Variants in NIPA2 observed in about 807,000 individuals in gnomAD.
NIPA2 encodes NIPA magnesium transporter 2.
A neutral mutation model predicts 29.7 loss-of-function variants in NIPA2; 11 were observed. That is an observed-to-expected ratio of 0.37 (90% CI 0.23 to 0.61). The LOEUF (loss-of-function observed/expected upper bound fraction) is 0.61, where lower values mean the gene tolerates loss of function less well. Among genes scored for constraint, NIPA2 ranks in the 20% least tolerant of loss-of-function variants. NIPA2 has a pLI of 0.66. For synonymous variants in NIPA2, 183 were observed against 161.9 expected, an observed-to-expected ratio of 1.13 and a Z score of -0.99; for missense variants, 426 against 437.9, an observed-to-expected ratio of 0.97 and a Z score of 0.24.
intron 7 of NIPA2, among the ~76,000 whole-genome samples, chr15:22,861,451 G>GT (rs1202916111): frequency 6.6e-6 from 1 of 152,122 alleles, no homozygotes; most frequent in Non-Finnish European, 1.5e-5. Context: ...TCCTGGGTTT[G>GT]TGCCTTCATT....
rs1304151993 is a variant in NIPA2, at chr15:22,867,718, TGAA to T, written c.*873_*875del. Reference sequence around the variant, plus strand: ...CTCATGTTATAATAAAAAGTTGAAATGAAGTTCTTATTCTAAAAGTCTGAATGC... The same window carrying T: ...CTCATGTTATAATAAAAAGTTGAAATGTTCTTATTCTAAAAGTCTGAATGC... On this transcript the variant is annotated 3_prime_UTR_variant, in exon 8 of 8. Transcript: ENST00000337451. The T allele has an allele frequency of 6.6e-6, 1 of 152,158 alleles. No individual in the cohort carries two copies. The highest frequency in any genetic ancestry group is 2.4e-5 in the African/African-American group (1 of 41,418). The allele number at this position is 152,158 out of a possible 1,614,324, so 9.4% of individuals were successfully genotyped here. A position where few individuals can be genotyped will look rare whatever the true frequency, so the allele number is the denominator to read the frequency against.
chr15:22,866,310 A>G lies in NIPA2; in HGVS notation c.546A>G (p.Ile182Met). ...GACAGACAAACATTCTTGTGTACAT[A>G]ACAATCTGCTCTGTAATCGGCGCGT... ...RHGQTNILVY[I>M]TICSVIGAFS... The change falls in exon 8 of 8, where the codon ATA (isoleucine) becomes ATG (methionine). Residue 182 changes from isoleucine to methionine, a missense_variant. Physicochemically the swap from Ile to Met is conservative, Grantham distance 10. Around this residue, in one of 3 missense-constraint regions of NIPA2, gnomAD observed 357 missense variants for 339.8 expected, o/e 1.05. Transcript: ENST00000337451. The G allele has an allele frequency of 6.2e-7, 1 of 1,613,978 alleles. No homozygotes were observed. Among genetic ancestry groups the G allele is most frequent in the Non-Finnish European group, 8.5e-7 (1 of 1,179,900 alleles).
rs373126251 is a variant in NIPA2 at position 22,850,411 on chromosome 15, CAG to C, written c.-93-1227_-93-1226del. ...CAAGCTTGATGGCCAAGCGGCAAAT[CAG>C]GGGTGAGGGAGAATAGTCTTCTCAT... On this transcript the variant is annotated intron_variant, in intron 3 of 7. Transcript: ENST00000337451. Among the ~76,000 whole-genome samples, 474 of 152,236 alleles carry C rather than the reference CAG, an allele frequency of 3.1e-3. 2 individuals carry two copies. Among genetic ancestry groups the C allele is most frequent in the African/African-American group, 0.011 (461 of 41,516 alleles).
rs555454880 is a variant in NIPA2, at chr15:22,864,369, T to C, written c.449-1844T>C. 3.1e-3 allele frequency among the ~76,000 whole-genome samples: 472 copies of C among 152,278 alleles called. 3 individuals carry two copies. The highest frequency in any genetic ancestry group is 0.011 in the African/African-American group (460 of 41,552). On this transcript the variant is annotated intron_variant, in intron 7 of 7. Transcript: ENST00000337451. ...CGGGGTTTCACCATGTTAGCCAGGA[T>C]GGTCTCGATCTTCTGACCTCATGAT...
chr15:22,856,671 A>G (rs756551771), intron 5 of NIPA2, among the ~76,000 whole-genome samples: 47 of 152,348 alleles, frequency 3.1e-4, no homozygotes, highest in African/African-American at 1.1e-3. Context: ...AATCAATTAG[A>G]GAAAACAGGA....
rs1014194075 is a variant in NIPA2 at position 22,839,673 on chromosome 15, G to C, written c.-333G>C. On this transcript the variant is annotated 5_prime_UTR_variant, in exon 2 of 8. Transcript: ENST00000337451. The stretch of plus-strand genomic sequence containing the variant: ...TTTCTAGGCTGGAGCTACTCGGCCA[G>C]GGTTTAAGACTTTAAATGAGAATAA... The C allele has an allele frequency of 1.3e-5, 2 of 152,134 alleles. No individual in the cohort carries two copies. The highest frequency in any genetic ancestry group is 4.8e-5 in the African/African-American group (2 of 41,426). The allele number at this position is 152,134 out of a possible 1,614,324, so 9.4% of individuals were successfully genotyped here. A position where few individuals can be genotyped will look rare whatever the true frequency, so the allele number is the denominator to read the frequency against.
chr15:22,848,934 C>T (rs570189122), intron 3 of NIPA2, among the ~76,000 whole-genome samples: 1 of 150,992 alleles, frequency 6.6e-6, no homozygotes, highest in East Asian at 2.0e-4. Context: ...TGTGCATAGG[C>T]TAAAAGGGCG....
At chr15:22,865,864 T>G (rs2141656334) in intron 7 of NIPA2, among the ~76,000 whole-genome samples, 1 of 152,278 alleles carries the variant, frequency 6.6e-6, no homozygotes, top group South Asian at 2.1e-4. Context: ...TATAAATTGT[T>G]GAACATTCAA....
intron 7 of NIPA2, among the ~76,000 whole-genome samples, chr15:22,861,906 T>TG (rs1566863928): frequency 6.6e-6 from 1 of 151,936 alleles, no homozygotes; most frequent in Non-Finnish European, 1.5e-5. Flanking sequence ...GGCTAATTTT[T>TG]TTTGTTTGTT....
chr15:22,843,730 A>G (rs1339653839), intron 2 of NIPA2, among the ~76,000 whole-genome samples: 1 of 151,398 alleles, frequency 6.6e-6, no homozygotes, highest in Non-Finnish European at 1.5e-5. Flanking sequence ...GGCTCACTGC[A>G]ACCTCCACCT....
chr15:22,861,725 T>G (rs2058634070), intron 7 of NIPA2, among the ~76,000 whole-genome samples: 1 of 152,094 alleles, frequency 6.6e-6, no homozygotes, highest in African/African-American at 2.4e-5. Context: ...TTTTTGTCCA[T>G]TGTGCTGGGT....
At chr15:22,860,870 TAAGGA>T in intron 7 of NIPA2, 81 bp downstream of exon 7, 1 of 1,043,498 alleles carries the variant, frequency 9.6e-7, no homozygotes, top group Non-Finnish European at 1.4e-6. Context: ...GATGAGCACA[TAAGGA>T]AAGAAATTGT....
At chr15:22,840,558 C>G (rs986120425) in intron 2 of NIPA2, among the ~76,000 whole-genome samples, 2 of 152,116 alleles carry the variant, frequency 1.3e-5, no homozygotes, top group Non-Finnish European at 2.9e-5. Context: ...CCTCGACCCC[C>G]CAAAGTGCTG....
intron 4 of NIPA2, among the ~76,000 whole-genome samples, chr15:22,852,738 C>T (rs771320974): frequency 4.6e-5 from 7 of 152,192 alleles, no homozygotes; most frequent in South Asian, 2.1e-4. Context: ...TGGTAGCTCC[C>T]GGTGTTAAGT....
Position 22,866,550 on chromosome 15 carries a change from T to G in NIPA2, c.786T>G (p.Thr262=). 6.2e-7 allele frequency: 1 copy of G among 1,614,078 alleles called. No individual in the cohort carries two copies. Among genetic ancestry groups the G allele is most frequent in the Non-Finnish European group, 8.5e-7 (1 of 1,179,896 alleles). ...YYVFFTTSVL[T]CSAILFKEWQ... ...TATTCTTTACAACATCAGTTTTAAC[T>G]TGTTCAGCTATTCTTTTTAAGGAGT... Residue 262 remains threonine (T), a synonymous_variant, in exon 8 of 8, where the codon ACT becomes ACG. Transcript: ENST00000337451.
chr15:22,858,788 T>C (rs1457641026), intron 6 of NIPA2, among the ~76,000 whole-genome samples, 158 bp downstream of exon 6: 1 of 152,240 alleles, frequency 6.6e-6, no homozygotes, highest in Non-Finnish European at 1.5e-5. Flanking sequence ...AAAAGTTACT[T>C]CTGTGCATAG....
At chr15:22,854,056 A>G (rs2057992135) in intron 5 of NIPA2, among the ~76,000 whole-genome samples, 1 of 150,322 alleles carries the variant, frequency 6.7e-6, no homozygotes, top group Non-Finnish European at 1.5e-5. Context: ...CGATCTCTTG[A>G]CCTCGTGATC....
In NIPA2 at chr15:22,860,705, G is replaced by T; in HGVS notation, c.364G>T (p.Gly122Ter). Residue 122 changes from glycine (G) to a stop codon, truncating the protein, a stop_gained, in exon 7 of 8, where the codon GGA becomes TGA. Transcript: ENST00000337451. LOFTEE classifies it high-confidence loss of function. The part of the protein sequence containing the change: ...GKIGCLLSIL[G>*]STVMVIHAPK... ...AATTGGGTGTTTGCTAAGTATTCTA[G>T]GATCTACAGTTATGGTCATTCATGC... 6.2e-7 allele frequency: 1 copy of T among 1,601,440 alleles called. No homozygotes were observed. The highest frequency in any genetic ancestry group is 8.5e-7 in the Non-Finnish European group (1 of 1,174,204).
At position 22,866,257 on chromosome 15, in the gene NIPA2, T is replaced by C. The variant is rs746423708; in HGVS notation, c.493T>C (p.Leu165=). Residue 165 remains leucine (L), a synonymous_variant, in exon 8 of 8, where the codon TTA becomes CTA. Coordinates refer to ENST00000337451, the MANE Select transcript of NIPA2 (RefSeq NM_030922.7). Reference sequence around the variant, plus strand: ...CCTTGTGGTCATTGTGGCCTTGATATTAATCTTCGTGGTGGGTCCTCGCCA... The same window carrying C: ...CCTTGTGGTCATTGTGGCCTTGATACTAATCTTCGTGGTGGGTCCTCGCCA... The part of the protein sequence containing the change: ...ATLVVIVALI[L]IFVVGPRHGQ... The C allele has an allele frequency of 4.3e-6, 7 of 1,614,042 alleles. No homozygotes were observed. Among genetic ancestry groups the C allele is most frequent in the East Asian group, 4.5e-5 (2 of 44,892 alleles).
Sources: gnomAD v4.1 joint callset for allele counts (sites outside exome capture counted in the v4.1 genomes callset) on GRCh38, gnomAD v4.1.1 for gene constraint, gnomAD v4.1.1 regional missense constraint, MANE v1.5 for transcripts, NCBI Gene and HGNC (gene_info 2026-07-23, HGNC 2026-07-21) for gene names.